The following SH3RF2 variants were observed in gnomAD, a reference collection of about 807,000 sequenced individuals.
SH3RF2 encodes SH3 domain containing ring finger 2.
Under a neutral mutation model 59.0 loss-of-function variants are expected in SH3RF2, and 43 were observed. The observed-to-expected ratio is 0.73, with a 90% CI of 0.57 to 0.94. SH3RF2 has a LOEUF of 0.94. Among genes scored for constraint, SH3RF2 ranks in the 40% least tolerant of loss-of-function variants. The pLI is 0.00. For synonymous variants in SH3RF2, 391 were observed against 391.5 expected (o/e 1.00, Z 0.01); for missense variants, 930 against 940.1 (o/e 0.99, Z 0.14).
At chr5:146,022,957 AT>A (rs1761387294) in intron 5 of SH3RF2, among the ~76,000 whole-genome samples, 1 of 151,868 alleles carries the variant, frequency 6.6e-6, no homozygotes, top group Non-Finnish European at 1.5e-5. Flanking sequence ...CAGTGTTCAA[AT>A]TTTTATATTT....
At chr5:145,969,003 A>T (rs962373499) in intron 2 of SH3RF2, among the ~76,000 whole-genome samples, 3 of 152,274 alleles carry the variant, frequency 2.0e-5, no homozygotes, top group African/African-American at 7.2e-5. Context: ...CATTTTTTTT[A>T]AAGAACTCTT....
chr5:145,992,319 G>A (rs1759971172), intron 2 of SH3RF2, among the ~76,000 whole-genome samples: 1 of 152,118 alleles, frequency 6.6e-6, no homozygotes, highest in African/African-American at 2.4e-5. Flanking sequence ...GGCTACAGAG[G>A]CCAAGACCAT....
At chr5:145,983,325 G>A (rs1759577268) in intron 2 of SH3RF2, among the ~76,000 whole-genome samples, 1 of 151,648 alleles carries the variant, frequency 6.6e-6, no homozygotes, top group Non-Finnish European at 1.5e-5. Context: ...CTGAGTGAGG[G>A]TGAAAGCAAT....
intron 5 of SH3RF2, among the ~76,000 whole-genome samples, chr5:146,033,473 TTTTTTTTTTTTTTTG>T (rs1167656761): frequency 8.0e-6 from 1 of 124,692 alleles, no homozygotes; most frequent in Admixed American, 8.1e-5. Flanking sequence ...TTTTTTTTTT[TTTTTTTTTTTTTTTG>T]AGATGGAGTT....
chr5:146,067,822 G>A (rs996019693), downstream of SH3RF2, among the ~76,000 whole-genome samples: 4 of 152,216 alleles, frequency 2.6e-5, no homozygotes, highest in South Asian at 2.1e-4. Context: ...CCTCCCCATC[G>A]CTCTACCATC....
At chr5:146,080,019 A>T (rs572228989) in exon 10 of SH3RF2, 1 of 152,358 alleles carries the variant, frequency 6.6e-6, no homozygotes, top group Admixed American at 6.5e-5. Context: ...GGAGGGTTTC[A>T]TAAGGATTTA....
chr5:145,959,615 ATGTGTGTGTGTG>A (rs35295719), intron 2 of SH3RF2, among the ~76,000 whole-genome samples: 10 of 145,520 alleles, frequency 6.9e-5, no homozygotes, highest in Admixed American at 2.7e-4. Flanking sequence ...CTATATATAT[ATGTGTGTGTGTG>A]TGTGTGTGTG....
At chr5:145,938,794 A>G (rs1199155204) in intron 2 of SH3RF2, among the ~76,000 whole-genome samples, 1 of 152,246 alleles carries the variant, frequency 6.6e-6, no homozygotes. Context: ...GGCAATACTC[A>G]TTCATAATCT....
intron 7 of SH3RF2, among the ~76,000 whole-genome samples, chr5:146,051,228 G>A (rs537961010): frequency 6.6e-6 from 1 of 152,180 alleles, no homozygotes; most frequent in East Asian, 1.9e-4. Flanking sequence ...TAGAAAGGAA[G>A]CCAGAATGGT....
chr5:146,049,424 C>T (rs1460053782), intron 7 of SH3RF2, among the ~76,000 whole-genome samples, 179 bp downstream of exon 7: 2 of 152,178 alleles, frequency 1.3e-5, no homozygotes, highest in Admixed American at 6.5e-5. Flanking sequence ...TTATCTTTTT[C>T]GTAGCCCTTC....
In SH3RF2 at chr5:146,000,289, G is replaced by A. The variant is rs139877242; in HGVS notation, c.610G>A (p.Asp204Asn). 942 of 1,613,500 alleles carry A rather than the reference G, an allele frequency of 5.8e-4. 1 individual carries two copies. The highest frequency in any genetic ancestry group is 7.5e-4 in the Non-Finnish European group (883 of 1,179,854). The change falls in exon 3 of 10, where the codon GAC becomes AAC. Residue 204 changes from aspartate (D) to asparagine (N), a missense_variant. By Grantham distance (23) the Asp-to-Asn change is conservative. Transcript: ENST00000359120. ...CTACAACTTCGACCTACGAGGCAAG[G>A]ACAAGAGTGAGAACCAGGATTGCCT... ...ALYNFDLRGKDKSENQDCLTF... is the reference protein window; with the variant it reads ...ALYNFDLRGKNKSENQDCLTF...
downstream of SH3RF2, among the ~76,000 whole-genome samples, chr5:146,065,170 G>A (rs1034701346): frequency 5.3e-5 from 8 of 152,112 alleles, no homozygotes; most frequent in African/African-American, 7.2e-5. Context: ...CAAACTTTGG[G>A]TCAATATCTG....
intron 9 of SH3RF2, among the ~76,000 whole-genome samples, chr5:146,073,372 GAC>G (rs1217261482): frequency 2.6e-5 from 4 of 152,190 alleles, no homozygotes; most frequent in African/African-American, 9.7e-5. Flanking sequence ...TCCCAAGGTT[GAC>G]ACAGTTTATG....
chr5:145,963,996 C>A (rs918182084), intron 2 of SH3RF2, among the ~76,000 whole-genome samples: 12 of 151,820 alleles, frequency 7.9e-5, no homozygotes, highest in African/African-American at 2.9e-4. Flanking sequence ...CCGCGCCCGG[C>A]TAATTTTTTG....
chr5:145,955,634 G>T (rs780035824), intron 2 of SH3RF2, among the ~76,000 whole-genome samples: 1 of 152,170 alleles, frequency 6.6e-6, no homozygotes, highest in Non-Finnish European at 1.5e-5. Context: ...ACCAAAACTT[G>T]TCAGAGAAGT....
At chr5:145,947,523 T>C (rs940817885) in intron 2 of SH3RF2, among the ~76,000 whole-genome samples, 1 of 152,204 alleles carries the variant, frequency 6.6e-6, no homozygotes, top group Non-Finnish European at 1.5e-5. Context: ...ATTAGCTATC[T>C]CCTTGTACTC....
intron 4 of SH3RF2, 82 bp downstream of exon 4, chr5:146,004,235 T>C: frequency 9.0e-7 from 1 of 1,113,510 alleles, no homozygotes; most frequent in Non-Finnish European, 1.3e-6. Flanking sequence ...GAGCAATTCC[T>C]ATTTGCTATG....
intron 2 of SH3RF2, among the ~76,000 whole-genome samples, chr5:145,973,721 A>G (rs1277561127): frequency 6.6e-6 from 1 of 152,144 alleles, no homozygotes; most frequent in Non-Finnish European, 1.5e-5. Flanking sequence ...AGACAAAATC[A>G]TTTTCTCCTA....
chr5:145,969,009 C>A (rs973755380), intron 2 of SH3RF2, among the ~76,000 whole-genome samples: 1 of 151,928 alleles, frequency 6.6e-6, no homozygotes, highest in Non-Finnish European at 1.5e-5. Context: ...TTTTAAAGAA[C>A]TCTTAGGAAC....
Sources: allele counts gnomAD v4.1 joint callset (sites outside exome capture counted in the v4.1 genomes callset), GRCh38; gene constraint gnomAD v4.1.1; transcripts MANE v1.5; gene names NCBI Gene and HGNC (gene_info 2026-07-23, HGNC 2026-07-21).